Variants in FRMD6 observed in about 807,000 individuals in gnomAD.
FRMD6 encodes FERM domain containing 6.
A neutral mutation model predicts 73.2 loss-of-function variants in FRMD6; 37 were observed. That is an observed-to-expected ratio of 0.51 (90% CI 0.39 to 0.66). The LOEUF (loss-of-function observed/expected upper bound fraction) is 0.66. Among genes scored for constraint, FRMD6 ranks in the 30% least tolerant of loss-of-function variants. FRMD6 has a pLI of 0.00. For missense variants in FRMD6, 714 were observed against 780.5 expected (o/e 0.91, Z 1.02); for synonymous variants, 273 against 282.2 (o/e 0.97, Z 0.33).
chr14:51,439,933 A>G, the FRMD6 span, among the ~76,000 whole-genome samples: 14 of 152,112 alleles, frequency 9.2e-5, no homozygotes, highest in African/African-American at 3.1e-4. Context: ...TTTTTTTAAG[A>G]GTCCCTCCTC....
At chr14:51,479,254 G>A in the FRMD6 span, among the ~76,000 whole-genome samples, 2 of 152,104 alleles carry the variant, frequency 1.3e-5, no homozygotes, top group African/African-American at 4.8e-5. Flanking sequence ...TGCGCTAAAG[G>A]GTTGGTTTAA....
At chr14:51,458,550 T>C in the FRMD6 span, among the ~76,000 whole-genome samples, 1 of 152,232 alleles carries the variant, frequency 6.6e-6, no homozygotes, top group Non-Finnish European at 1.5e-5. Context: ...CTCAATACTA[T>C]CTCTACAGAC....
At chr14:51,439,721 A>T in the FRMD6 span, among the ~76,000 whole-genome samples, 1 of 152,216 alleles carries the variant, frequency 6.6e-6, no homozygotes, top group Admixed American at 6.5e-5. Flanking sequence ...CTCATGTCAG[A>T]TGGCATTGAA....
chr14:51,563,053 G>C lies in FRMD6; in HGVS notation c.-209-7295G>C, dbSNP rs535656926. Reference sequence around the variant, plus strand: ...GCAGTTGATGTTGACTGTAGGCAGAGAGCACAGTAGGCTGCTGACCGATGT... The same window carrying C: ...GCAGTTGATGTTGACTGTAGGCAGACAGCACAGTAGGCTGCTGACCGATGT... On this transcript the variant is annotated intron_variant, in intron 1 of 14. Coordinates refer to the FRMD6 transcript ENST00000356218. 2.0e-4 allele frequency among the ~76,000 whole-genome samples: 31 copies of C among 152,340 alleles called. No individual in the cohort carries two copies. In the South Asian group the frequency reaches 2.3e-3, roughly 11 times the overall value.
chr14:51,487,098 C>G (rs1882778730), upstream of FRMD6, among the ~76,000 whole-genome samples: 1 of 152,052 alleles, frequency 6.6e-6, no homozygotes, highest in Non-Finnish European at 1.5e-5. Flanking sequence ...GAACATGACC[C>G]CCAGGTGGTC....
chr14:51,418,454 C>T, the FRMD6 span, among the ~76,000 whole-genome samples: 9 of 152,192 alleles, frequency 5.9e-5, no homozygotes, highest in Non-Finnish European at 7.3e-5. Context: ...AAGTCTACTC[C>T]AGACCCTATT....
rs1050338693 is a variant in FRMD6 at position 51,687,883 on chromosome 14, A to G, written c.-146-1808A>G. ...TATCTTTAAGATATTTTTCCAATGT[A>G]TTATATTCAACCCTCTGCTCAGTCC... On this transcript the variant is annotated intron_variant, in intron 1 of 13. Coordinates refer to ENST00000344768, the MANE Select transcript of FRMD6 (RefSeq NM_001267046.2). Among the ~76,000 whole-genome samples, 3 of 152,052 alleles carry G rather than the reference A, an allele frequency of 2.0e-5. 1 individual carries two copies. The highest frequency in any genetic ancestry group is 1.3e-4 in the Admixed American group (2 of 15,264).
At chr14:51,566,567 A>T (rs1414074875) in intron 1 of FRMD6, among the ~76,000 whole-genome samples, 5 of 152,204 alleles carry the variant, frequency 3.3e-5, no homozygotes, top group Non-Finnish European at 7.3e-5. Flanking sequence ...GGGTCTTTTT[A>T]AATTCAATGA....
At chr14:51,524,639 C>T (rs760550882) in intron 1 of FRMD6, among the ~76,000 whole-genome samples, 4 of 152,070 alleles carry the variant, frequency 2.6e-5, no homozygotes, top group African/African-American at 7.2e-5. Context: ...GCCCCCTAAA[C>T]AAGAATAGGT....
chr14:51,446,698 C>G, the FRMD6 span, among the ~76,000 whole-genome samples: 2 of 152,192 alleles, frequency 1.3e-5, no homozygotes, highest in Admixed American at 1.3e-4. Flanking sequence ...CCTCAAGGTA[C>G]TCTTGTGCAT....
chr14:51,466,543 T>C, the FRMD6 span, among the ~76,000 whole-genome samples: 1 of 152,244 alleles, frequency 6.6e-6, no homozygotes, highest in Middle Eastern at 3.2e-3. Flanking sequence ...TGGCACTTTG[T>C]CATAAATTAA....
intron 1 of FRMD6, among the ~76,000 whole-genome samples, chr14:51,567,369 CA>C (rs1217099277): frequency 6.6e-6 from 1 of 152,148 alleles, no homozygotes; most frequent in African/African-American, 2.4e-5. Flanking sequence ...CTTTTAGGGA[CA>C]AGGTTTCACT....
At chr14:51,477,737 C>CTTTTTTTTTTTTTTTTTTTTTTTTTTTT in the FRMD6 span, among the ~76,000 whole-genome samples, 1 of 134,172 alleles carries the variant, frequency 7.5e-6, no homozygotes, top group Non-Finnish European at 1.6e-5. Flanking sequence ...TTTTCTTTTT[C>CTTTTTTTTTTTTTTTTTTTTTTTTTTTT]TTTTTTTTTT....
chr14:51,699,125 G>C (rs919571881), intron 3 of FRMD6, among the ~76,000 whole-genome samples: 10 of 152,062 alleles, frequency 6.6e-5, no homozygotes, highest in African/African-American at 2.4e-4. Flanking sequence ...AAGTTGGTCA[G>C]CTGATAAACA....
chr14:51,430,828 G>A, the FRMD6 span, among the ~76,000 whole-genome samples: 52 of 152,276 alleles, frequency 3.4e-4, no homozygotes, highest in African/African-American at 1.2e-3. Flanking sequence ...TGCATGAGCC[G>A]AGCCACAGGG....
chr14:51,684,372 T>G (rs1413350980), intron 1 of FRMD6, among the ~76,000 whole-genome samples: 2 of 152,212 alleles, frequency 1.3e-5, no homozygotes, highest in Non-Finnish European at 2.9e-5. Context: ...TCAAAGCTAT[T>G]CCAAAGCCAG....
chr14:51,446,230 G>A, the FRMD6 span, among the ~76,000 whole-genome samples: 1 of 152,188 alleles, frequency 6.6e-6, no homozygotes, highest in African/African-American at 2.4e-5. Context: ...TTGAGCTGGG[G>A]CAGTGGTAGA....
chr14:51,575,248 C>T (rs998856999), intron 2 of FRMD6, among the ~76,000 whole-genome samples: 1 of 152,114 alleles, frequency 6.6e-6, no homozygotes. Flanking sequence ...ACTTTAAGAT[C>T]CAGAGGCAGT....
chr14:51,449,536 G>A, the FRMD6 span, among the ~76,000 whole-genome samples: 3 of 152,196 alleles, frequency 2.0e-5, no homozygotes, highest in Non-Finnish European at 2.9e-5. Flanking sequence ...AAGGCCATCT[G>A]AAACAGCAGG....
Sources: allele counts gnomAD v4.1 joint callset (sites outside exome capture counted in the v4.1 genomes callset), GRCh38; gene constraint gnomAD v4.1.1; transcripts MANE v1.5; gene names NCBI Gene and HGNC (gene_info 2026-07-23, HGNC 2026-07-21).